ANO2: variants seen among roughly 807,000 people sequenced by gnomAD.
ANO2 encodes anoctamin 2.
ANO2 carries 101 observed loss-of-function variants against 124.2 expected under a neutral mutation model. That is an observed-to-expected ratio of 0.81 (90% confidence interval 0.69 to 0.96). The LOEUF (loss-of-function observed/expected upper bound fraction) is 0.96, where lower values mean the gene tolerates loss of function less well. Ranked by LOEUF, ANO2 falls within the 40% of genes least tolerant of loss-of-function variation. The pLI is 0.00. For synonymous variants in ANO2, 486 were observed against 482.5 expected (o/e 1.01, Z -0.09); for missense variants, 1,293 against 1,274.5 (o/e 1.01, Z -0.22).
chr12:5,870,716 A>G (rs749664121), intron 3 of ANO2, among the ~76,000 whole-genome samples: 8 of 152,152 alleles, frequency 5.3e-5, no homozygotes, highest in Non-Finnish European at 7.3e-5. Context: ...CATATTCTAA[A>G]ACTTGAAGGG....
intron 3 of ANO2, among the ~76,000 whole-genome samples, chr12:5,912,140 G>C (rs1056710362): frequency 6.6e-6 from 1 of 152,142 alleles, no homozygotes; most frequent in Non-Finnish European, 1.5e-5. Context: ...AGACATAAAG[G>C]ACTTGGTAAA....
chr12:5,640,819 T>A (rs1946332907), intron 15 of ANO2, among the ~76,000 whole-genome samples: 1 of 152,238 alleles, frequency 6.6e-6, no homozygotes. Context: ...AGTGTGGCGA[T>A]TCCTCAAGGA....
intron 14 of ANO2, among the ~76,000 whole-genome samples, chr12:5,707,947 T>G (rs916856137): frequency 6.6e-6 from 1 of 152,210 alleles, no homozygotes; most frequent in African/African-American, 2.4e-5. Flanking sequence ...GGCCCAGACT[T>G]CTCTTCTGAG....
rs142031265 is a variant in ANO2, at chr12:5,605,833, G to A, written c.2088-6204C>T. ...AAGATCAGATTCAGCCACGCTGCTC[G>A]CCATGTATGAAGTAATCTCAGAAGG... On this transcript the variant is annotated intron_variant, in intron 19 of 24. Transcript: ENST00000682330. 2.6e-4 allele frequency among the ~76,000 whole-genome samples: 40 copies of A among 152,212 alleles called. 1 individual carries two copies. The highest frequency in any genetic ancestry group is 6.0e-4 in the African/African-American group (25 of 41,520).
chr12:5,924,902 T>A (rs114000967), intron 1 of ANO2, among the ~76,000 whole-genome samples: 1 of 152,122 alleles, frequency 6.6e-6, no homozygotes, highest in Non-Finnish European at 1.5e-5. Flanking sequence ...ATAAACGGAA[T>A]TGATTGAGGC....
intron 3 of ANO2, chr12:5,856,354 G>A (rs889628542): frequency 1.3e-5 from 2 of 152,124 alleles, no homozygotes; most frequent in African/African-American, 2.4e-5. Context: ...AGTGGGTGCA[G>A]ATGTTCTAAG....
chr12:5,600,341 T>A (rs1943877199), intron 19 of ANO2, among the ~76,000 whole-genome samples: 1 of 152,188 alleles, frequency 6.6e-6, no homozygotes, highest in Admixed American at 6.5e-5. Flanking sequence ...TCAACCCTTT[T>A]CGACTTTGAT....
chr12:5,665,121 C>T (rs1451854682), intron 14 of ANO2, among the ~76,000 whole-genome samples: 1 of 152,134 alleles, frequency 6.6e-6, no homozygotes, highest in Non-Finnish European at 1.5e-5. Context: ...CCTTCAGCTC[C>T]GTTTCTTCCC....
intron 10 of ANO2, among the ~76,000 whole-genome samples, chr12:5,755,359 C>T (rs528914964): frequency 7.5e-4 from 112 of 149,794 alleles, no homozygotes; most frequent in African/African-American, 2.5e-3. Context: ...CAATTTTTTT[C>T]TTTTTTACAT....
chr12:5,771,741 C>T (rs1343350543), intron 10 of ANO2, among the ~76,000 whole-genome samples: 5 of 151,878 alleles, frequency 3.3e-5, no homozygotes, highest in African/African-American at 7.3e-5. Flanking sequence ...GATTGCACCA[C>T]GGCACCCCAG....
chr12:5,691,039 A>T (rs1948914308), intron 14 of ANO2, among the ~76,000 whole-genome samples: 2 of 152,166 alleles, frequency 1.3e-5, no homozygotes, highest in Admixed American at 1.3e-4. Context: ...CAAAGAAATA[A>T]GCAAATAAGG....
chr12:5,821,500 C>T (rs1335231393), intron 7 of ANO2, among the ~76,000 whole-genome samples: 9 of 152,228 alleles, frequency 5.9e-5, no homozygotes, highest in Non-Finnish European at 1.3e-4. Context: ...GCTGTTCTGT[C>T]ACTTGGGTCA....
At chr12:5,809,189 T>C (rs887534411) in intron 7 of ANO2, among the ~76,000 whole-genome samples, 7 of 152,106 alleles carry the variant, frequency 4.6e-5, no homozygotes, top group Admixed American at 3.3e-4. Context: ...TTTGTCTGAC[T>C]CACAAGACTA....
intron 14 of ANO2, among the ~76,000 whole-genome samples, chr12:5,722,000 A>G (rs1404809932): frequency 1.3e-5 from 2 of 152,252 alleles, no homozygotes; most frequent in East Asian, 3.8e-4. Context: ...AAATATGCGT[A>G]AATTGAAATA....
At chr12:5,697,950 C>A (rs569801016) in intron 14 of ANO2, among the ~76,000 whole-genome samples, 5 of 152,336 alleles carry the variant, frequency 3.3e-5, no homozygotes, top group African/African-American at 1.2e-4. Context: ...GTAAACAAAG[C>A]AGCCAGGAAG....
intron 14 of ANO2, among the ~76,000 whole-genome samples, chr12:5,698,675 C>T (rs1028857275): frequency 3.3e-5 from 5 of 152,136 alleles, no homozygotes; most frequent in Admixed American, 1.3e-4. Context: ...TCGAACCCGT[C>T]GCAAAGAAGC....
At chr12:5,680,627 T>C (rs894349837) in intron 14 of ANO2, among the ~76,000 whole-genome samples, 6 of 152,172 alleles carry the variant, frequency 3.9e-5, no homozygotes, top group African/African-American at 1.4e-4. Flanking sequence ...AGCTGCATTA[T>C]AAAGTAGTGA....
chr12:5,694,995 A>G (rs993043478), intron 14 of ANO2, among the ~76,000 whole-genome samples: 1 of 152,194 alleles, frequency 6.6e-6, no homozygotes, highest in African/African-American at 2.4e-5. Context: ...AAAACCACTC[A>G]GAACCGTGTC....
rs140606555 is a variant in ANO2, at chr12:5,800,391, T to C, written c.991-820A>G. The stretch of plus-strand genomic sequence containing the variant: ...GTTTTGAAGGAAGCCACTGGGAGAT[T>C]TGCAGTAGAGGGCGAAACAATCTGA... On this transcript the variant is annotated intron_variant, in intron 9 of 24. Coordinates refer to ENST00000682330, the MANE Select transcript of ANO2 (RefSeq NM_001364791.2). Among the ~76,000 whole-genome samples the C allele has an allele frequency of 9.4e-3, 1,425 of 152,282 alleles. 16 individuals carry two copies. Among genetic ancestry groups the C allele is most frequent in the South Asian group, 0.031 (150 of 4,828 alleles).
Sources: gnomAD v4.1 joint callset for allele counts (sites outside exome capture counted in the v4.1 genomes callset) on GRCh38, gnomAD v4.1.1 for gene constraint, MANE v1.5 for transcripts, NCBI Gene and HGNC (gene_info 2026-07-23, HGNC 2026-07-21) for gene names.